Variants in ASAP2 observed in about 807,000 individuals in gnomAD.
The protein encoded by ASAP2 is ArfGAP with SH3 domain, ankyrin repeat and PH domain 2, also known as arf-GAP with SH3 domain, ANK repeat and PH domain-containing protein 2.
In ASAP2, 45 loss-of-function variants were observed where a neutral mutation model predicts 131.4. The observed-to-expected ratio is 0.34, with a 90% CI of 0.27 to 0.44. ASAP2 has a LOEUF of 0.44. Among genes scored for constraint, ASAP2 ranks in the 20% least tolerant of loss-of-function variants. The probability of loss-of-function intolerance (pLI) is 1.00; values close to 1 mark genes in which losing one functional copy is unlikely to be tolerated. For missense variants in ASAP2, 1,011 were observed against 1,297.0 expected (o/e 0.78, Z 3.39); for synonymous variants, 510 against 503.0 (o/e 1.01, Z -0.19).
intron 11 of ASAP2, chr2:9,350,547 A>G: frequency 2.9e-6 from 1 of 349,340 alleles, no homozygotes; most frequent in East Asian, 4.3e-5. Context: ...CAAAGCTGGC[A>G]TCGCTTGTCC....
Position 9,374,796 on chromosome 2 carries a change from G to A in ASAP2, c.1598G>A (p.Arg533Lys), listed in dbSNP as rs764798795. 16 of 1,612,368 alleles carry A rather than the reference G, an allele frequency of 9.9e-6. No individual in the cohort carries two copies. Among genetic ancestry groups the A allele is most frequent in the Non-Finnish European group, 1.2e-5 (14 of 1,179,550 alleles). Residue 533 changes from arginine (R) to lysine (K), a missense_variant, in exon 17 of 28, where the codon AGG becomes AAG. Physicochemically the swap from Arg to Lys is conservative, Grantham distance 26. Coordinates refer to ENST00000281419, the MANE Select transcript of ASAP2 (RefSeq NM_003887.3). ...TACATCACAGCCAAGTACATCGAGA[G>A]GAGATACGCAAGGAAGAAGCACGCG... Reference protein sequence around the residue: ...KDYITAKYIERRYARKKHADN... With the variant: ...KDYITAKYIEKRYARKKHADN...
intron 1 of ASAP2, among the ~76,000 whole-genome samples, chr2:9,261,164 G>A (rs965695270): frequency 6.6e-6 from 1 of 152,166 alleles, no homozygotes; most frequent in Non-Finnish European, 1.5e-5. Context: ...TGGGGTTAGT[G>A]GAACAGGGTT....
rs1666107162 is a variant in ASAP2, at chr2:9,268,595, C to G, written c.127-10722C>G. The stretch of plus-strand genomic sequence containing the variant: ...TATTTGACACTGTCATTAATGCTCT[C>G]TGTTACTTTCTGAAGAGTCGAATGC... On this transcript the variant is annotated intron_variant, in intron 1 of 27. Coordinates refer to ENST00000281419, the MANE Select transcript of ASAP2 (RefSeq NM_003887.3). The surrounding 1 kb of genome is among the most constrained non-coding windows in gnomAD (Gnocchi z 4.1). 6.6e-6 allele frequency among the ~76,000 whole-genome samples: 1 copy of G among 152,228 alleles called. No individual in the cohort carries two copies.
chr2:9,312,078 G>C (rs1669338234), intron 3 of ASAP2, among the ~76,000 whole-genome samples: 1 of 152,176 alleles, frequency 6.6e-6, no homozygotes, highest in Non-Finnish European at 1.5e-5. Context: ...GTACACATCA[G>C]TGATTTCCAG....
At chr2:9,375,858 C>T (rs575863997) in intron 17 of ASAP2, among the ~76,000 whole-genome samples, 1 of 152,342 alleles carries the variant, frequency 6.6e-6, no homozygotes, top group South Asian at 2.1e-4. Context: ...ACCCACACCC[C>T]ACTGTGCTCC....
At chr2:9,224,574 ATCT>A (rs1662636923) in intron 1 of ASAP2, among the ~76,000 whole-genome samples, 1 of 152,192 alleles carries the variant, frequency 6.6e-6, no homozygotes, top group African/African-American at 2.4e-5. Context: ...AAGCAGGAAA[ATCT>A]TCTAAGGATG....
rs1393620837 is a variant in ASAP2, at chr2:9,370,052, CT to C, written c.1556+1534del. On this transcript the variant is annotated intron_variant, in intron 16 of 27. Coordinates refer to ENST00000281419, the MANE Select transcript of ASAP2 (RefSeq NM_003887.3). ...ATGGGGTTTCACCATGTTGGTCAGG[CT>C]GGTCTTGAACTCCTGACCTCGTGAT... Among the ~76,000 whole-genome samples, 20 of 152,268 alleles carry C rather than the reference CT, an allele frequency of 1.3e-4. No individual in the cohort carries two copies. The East Asian group carries it at 2.5e-3, about 19-fold the overall frequency.
rs937714065 is a variant in ASAP2, at chr2:9,389,986, C to T, written c.2384-1076C>T. Among the ~76,000 whole-genome samples, 2 of 152,232 alleles carry T rather than the reference C, an allele frequency of 1.3e-5. No homozygotes were observed. Among genetic ancestry groups the T allele is most frequent in the Non-Finnish European group, 2.9e-5 (2 of 68,042 alleles). On this transcript the variant is annotated intron_variant, in intron 22 of 27. Transcript: ENST00000281419. This position sits in a 1 kb window ranked among gnomAD's most constrained non-coding sequence, Gnocchi z 4.7. ...AATCAAGATGATTTTGATCATCCTC[C>T]TTCCCAGCAGTGGCTTTTGCTGACT...
At position 9,405,120 on chromosome 2, in the gene ASAP2, ATC is replaced by A. The variant is rs767211500; in HGVS notation, c.*1795_*1796del. ...ACATTAGAACTCCAGTCCCAAACTA[ATC>A]TGTCAGGTTCACTGGTACATAAATA... On this transcript the variant is annotated 3_prime_UTR_variant, in exon 28 of 28. Transcript: ENST00000281419. The A allele has an allele frequency of 8.5e-5, 13 of 152,340 alleles. No individual in the cohort carries two copies. Among genetic ancestry groups the A allele is most frequent in the East Asian group, 5.8e-4 (3 of 5,198 alleles). 9.4% of individuals were successfully genotyped at this position (152,340 alleles called of 1,614,324 possible). A position where few individuals can be genotyped will look rare whatever the true frequency, so the allele number is the denominator to read the frequency against.
At chr2:9,345,687 C>T (rs1435114589) in intron 11 of ASAP2, among the ~76,000 whole-genome samples, 32 of 152,062 alleles carry the variant, frequency 2.1e-4, no homozygotes, top group Admixed American at 2.0e-3. Context: ...CAGCCTTGGG[C>T]GTGTGAGTGG....
intron 1 of ASAP2, among the ~76,000 whole-genome samples, chr2:9,208,410 G>GTTT (rs1558234532): frequency 2.8e-4 from 40 of 145,344 alleles, no homozygotes; most frequent in African/African-American, 1.0e-3. Flanking sequence ...TTTTTTTTCT[G>GTTT]GTTTTTTTTT....
chr2:9,347,741 T>C (rs554726708), intron 11 of ASAP2, among the ~76,000 whole-genome samples: 21 of 152,294 alleles, frequency 1.4e-4, no homozygotes, highest in Non-Finnish European at 2.5e-4. Flanking sequence ...TAATTAGATA[T>C]CCTCTTTGCC....
intron 1 of ASAP2, among the ~76,000 whole-genome samples, chr2:9,261,952 C>T (rs370186013): frequency 6.6e-6 from 1 of 152,206 alleles, no homozygotes; most frequent in East Asian, 1.9e-4. Flanking sequence ...CCTCACCCCA[C>T]CATTTGCCAT....
chr2:9,394,604 A>C (rs1231255752), intron 24 of ASAP2, among the ~76,000 whole-genome samples: 3 of 152,176 alleles, frequency 2.0e-5, no homozygotes, highest in African/African-American at 7.2e-5. Context: ...AGAACTTGGA[A>C]ATATACGCAC....
intron 16 of ASAP2, among the ~76,000 whole-genome samples, chr2:9,372,433 C>T (rs969268495): frequency 3.3e-5 from 5 of 152,152 alleles, no homozygotes; most frequent in African/African-American, 1.2e-4. Context: ...TCCAGAAACT[C>T]AAAGGTTTCT....
chr2:9,393,569 C>T lies in ASAP2; in HGVS notation c.2606C>T (p.Pro869Leu), dbSNP rs868565516. Residue 869 changes from proline (P) to leucine (L), a missense_variant, in exon 24 of 28, where the codon CCT (proline) becomes CTT (leucine). Pro to Leu is a moderately conservative substitution (Grantham distance 98). Transcript: ENST00000281419. ...AGCCAGCCGAGCAAGCCTGCCCCGCCTGGGATCTCACAGATCAGGCCCCCA... is the reference window on the plus strand; with the variant it reads ...AGCCAGCCGAGCAAGCCTGCCCCGCTTGGGATCTCACAGATCAGGCCCCCA... ...ALSQPSKPAPPGISQIRPPPL... is the reference protein window; with the variant it reads ...ALSQPSKPAPLGISQIRPPPL... 1 of 1,600,534 alleles carries T rather than the reference C, an allele frequency of 6.2e-7. No homozygotes were observed. Among genetic ancestry groups the T allele is most frequent in the African/African-American group, 1.3e-5 (1 of 74,700 alleles).
chr2:9,350,721 C>A, intron 11 of ASAP2, 87 bp from the exon 12 acceptor site: 1 of 1,109,510 alleles, frequency 9.0e-7, no homozygotes, highest in Non-Finnish European at 1.3e-6. Flanking sequence ...CTTGCTGTTG[C>A]TGTATCTCGT....
chr2:9,391,195 C>T lies in ASAP2; in HGVS notation c.2517C>T (p.Thr839=). 1.2e-6 allele frequency: 2 copies of T among 1,611,378 alleles called. No individual in the cohort carries two copies. The highest frequency in any genetic ancestry group is 1.7e-6 in the Non-Finnish European group (2 of 1,178,612). The change falls in exon 23 of 28, where the codon ACC becomes ACT. Residue 839 remains threonine (T), a splice_region_variant and synonymous_variant. Coordinates refer to ENST00000281419, the MANE Select transcript of ASAP2 (RefSeq NM_003887.3). ...PPLPPLRVTS[T]NPLTPTPPPP... ...TGCCCCCTCTTCGCGTGACATCTAC[C>T]AGTACGTTTTTTTCCTTTTTCCTTT...
chr2:9,323,893 C>G (rs1473400235), intron 6 of ASAP2, among the ~76,000 whole-genome samples: 1 of 152,190 alleles, frequency 6.6e-6, no homozygotes, highest in African/African-American at 2.4e-5. Context: ...ATTATGAAGG[C>G]CTTTGCTCAC....
Sources: gnomAD v4.1 joint callset for allele counts (sites outside exome capture counted in the v4.1 genomes callset) on GRCh38, gnomAD v4.1.1 for gene constraint, Gnocchi (gnomAD v3.1) non-coding constraint, MANE v1.5 for transcripts, NCBI Gene and HGNC (gene_info 2026-07-23, HGNC 2026-07-21) for gene names.